Variants in DENND5A observed in about 807,000 individuals in gnomAD.
DENND5A encodes the protein DENN domain-containing protein 5A.
In DENND5A, 64 loss-of-function variants were observed where a neutral mutation model predicts 140.3. The observed-to-expected ratio is 0.46, with a 90% CI of 0.37 to 0.56. DENND5A has a LOEUF of 0.56. DENND5A is among the 20% of genes least tolerant of loss of function. The probability of loss-of-function intolerance (pLI) is 0.00; values close to 1 mark genes in which losing one functional copy is unlikely to be tolerated. For missense variants in DENND5A, 1,292 were observed against 1,593.8 expected (o/e 0.81, Z 3.22); for synonymous variants, 605 against 607.7 (o/e 1.00, Z 0.07).
intron 1 of DENND5A, among the ~76,000 whole-genome samples, chr11:9,211,453 G>T (rs867404780): frequency 1.3e-5 from 2 of 152,070 alleles, no homozygotes; most frequent in Non-Finnish European, 2.9e-5. Flanking sequence ...AAAAAAGAAT[G>T]CTCTCTGGAG....
chr11:9,264,387 C>A (rs1250597087), intron 1 of DENND5A, among the ~76,000 whole-genome samples: 1 of 152,094 alleles, frequency 6.6e-6, no homozygotes, highest in Non-Finnish European at 1.5e-5. Context: ...CTTTCCAAGG[C>A]TAAGGGAGTT....
intron 1 of DENND5A, among the ~76,000 whole-genome samples, chr11:9,219,053 T>TA (rs1190030065): frequency 1.3e-5 from 2 of 151,874 alleles, no homozygotes; most frequent in African/African-American, 2.4e-5. Context: ...TTTATTTATT[T>TA]AAGAAATAAT....
intron 11 of DENND5A, among the ~76,000 whole-genome samples, chr11:9,164,188 C>T (rs1478152823): frequency 1.2e-4 from 15 of 127,870 alleles, no homozygotes; most frequent in Non-Finnish European, 2.1e-4. Context: ...TGCACCACCA[C>T]GCCTAATTTT....
intron 1 of DENND5A, among the ~76,000 whole-genome samples, chr11:9,258,285 C>A (rs1001721422): frequency 1.3e-5 from 2 of 150,450 alleles, no homozygotes; most frequent in African/African-American, 4.9e-5. Flanking sequence ...AGTCCCCCAC[C>A]CCCCCAACAG....
intron 1 of DENND5A, among the ~76,000 whole-genome samples, chr11:9,224,734 T>C (rs1850460421): frequency 6.6e-6 from 1 of 151,658 alleles, no homozygotes; most frequent in Non-Finnish European, 1.5e-5. Flanking sequence ...GGCGCGCGCC[T>C]GTAATCCCAG....
At chr11:9,197,990 C>T (rs768631391) in intron 4 of DENND5A, among the ~76,000 whole-genome samples, 48 of 152,166 alleles carry the variant, frequency 3.2e-4, no homozygotes, top group Admixed American at 2.6e-3. Context: ...ATTTTCCCCA[C>T]TCTGAGTAAA....
Position 9,195,722 on chromosome 11 carries a change from C to T in DENND5A, c.950-2041G>A, listed in dbSNP as rs74735225. Reference sequence around the variant, plus strand: ...TCACTAATAAAGCTTTGAAAGTTGCCTATCACCTTGCTCCTAGCTAATCAA... The same window carrying T: ...TCACTAATAAAGCTTTGAAAGTTGCTTATCACCTTGCTCCTAGCTAATCAA... On this transcript the variant is annotated intron_variant, in intron 4 of 22. Coordinates refer to ENST00000328194, the MANE Select transcript of DENND5A (RefSeq NM_015213.4). Among the ~76,000 whole-genome samples the T allele has an allele frequency of 3.7e-3, 565 of 152,246 alleles. 5 individuals are homozygous for T. The highest frequency in any genetic ancestry group is 0.013 in the African/African-American group (546 of 41,522).
At chr11:9,264,876 C>G in intron 1 of DENND5A, 85 bp downstream of exon 1, 4 of 1,261,148 alleles carry the variant, frequency 3.2e-6, no homozygotes, top group Non-Finnish European at 4.4e-6. Context: ...GCTCCCGGGA[C>G]AAAGCGGGGC....
chr11:9,202,265 A>T lies in DENND5A; in HGVS notation c.949+1395T>A, dbSNP rs556542253. Among the ~76,000 whole-genome samples the T allele has an allele frequency of 3.3e-5, 5 of 152,358 alleles. No individual in the cohort carries two copies. In the East Asian group the frequency reaches 5.8e-4, roughly 18 times the overall value. On this transcript the variant is annotated intron_variant, in intron 4 of 22. Transcript: ENST00000328194. ...TAGATCCTGAATAAGGAATTTTTTT[A>T]AATTATCATAACAGACATTATCGGG... is the stretch of plus-strand genomic sequence containing the variant.
chr11:9,238,974 G>A (rs1462433262), intron 1 of DENND5A, among the ~76,000 whole-genome samples: 1 of 151,352 alleles, frequency 6.6e-6, no homozygotes, highest in African/African-American at 2.4e-5. Context: ...TAGGATTACA[G>A]GTGCACGCCA....
intron 1 of DENND5A, among the ~76,000 whole-genome samples, chr11:9,255,417 C>T (rs1424044721): frequency 1.3e-5 from 2 of 151,628 alleles, no homozygotes; most frequent in Non-Finnish European, 2.9e-5. Flanking sequence ...GGTGAGACCT[C>T]GTCTCTACAA....
At chr11:9,209,408 AGT>A (rs1165014319) in intron 1 of DENND5A, among the ~76,000 whole-genome samples, 1 of 152,218 alleles carries the variant, frequency 6.6e-6, no homozygotes, top group African/African-American at 2.4e-5. Context: ...GCTGATCTGA[AGT>A]GTGGTCAAAA....
intron 8 of DENND5A, among the ~76,000 whole-genome samples, chr11:9,175,059 A>G (rs1848503960): frequency 6.6e-6 from 1 of 152,204 alleles, no homozygotes; most frequent in Non-Finnish European, 1.5e-5. Flanking sequence ...TTCACAGGTA[A>G]TATGACTGTC....
At chr11:9,142,329 T>C (rs545521589) in intron 21 of DENND5A, among the ~76,000 whole-genome samples, 1 of 152,330 alleles carries the variant, frequency 6.6e-6, no homozygotes, top group African/African-American at 2.4e-5. Context: ...AGATGTTCTT[T>C]TCCCTAGTCT....
intron 1 of DENND5A, among the ~76,000 whole-genome samples, chr11:9,225,200 C>A (rs1351903189): frequency 6.6e-6 from 1 of 152,162 alleles, no homozygotes. Context: ...AAACTCGCAG[C>A]CAACTAAAAG....
intron 11 of DENND5A, among the ~76,000 whole-genome samples, chr11:9,162,304 T>C (rs1381586574): frequency 7.5e-6 from 1 of 133,668 alleles, no homozygotes; most frequent in African/African-American, 2.8e-5. Flanking sequence ...AATGGCACAA[T>C]CTCGGCTCAC....
intron 4 of DENND5A, 127 bp downstream of exon 4, chr11:9,203,533 T>C (rs967470637): frequency 9.0e-7 from 1 of 1,109,040 alleles, no homozygotes; most frequent in African/African-American, 1.6e-5. Flanking sequence ...ACCACCTACC[T>C]GCAAAAGATC....
chr11:9,176,952 C>A, intron 8 of DENND5A: 1 of 455,872 alleles, frequency 2.2e-6, no homozygotes, highest in South Asian at 1.5e-5. Context: ...CTTTTCCTTT[C>A]TGATAAAAGT....
chr11:9,229,306 A>C (rs2136247684), intron 1 of DENND5A, among the ~76,000 whole-genome samples: 1 of 152,162 alleles, frequency 6.6e-6, no homozygotes, highest in South Asian at 2.1e-4. Context: ...TGGGGAAAAA[A>C]CCACACATTT....
Sources: allele counts gnomAD v4.1 joint callset (sites outside exome capture counted in the v4.1 genomes callset), GRCh38; gene constraint gnomAD v4.1.1; transcripts MANE v1.5; gene names NCBI Gene and HGNC (gene_info 2026-07-23, HGNC 2026-07-21).